The following C8orf76 variants were observed in gnomAD, a reference collection of about 807,000 sequenced individuals.
C8orf76 encodes the protein uncharacterized protein C8orf76.
In C8orf76, 46 loss-of-function variants were observed where a neutral mutation model predicts 38.1. The observed-to-expected ratio is 1.21, with a 90% CI of 0.95 to 1.54. C8orf76 has a LOEUF of 1.54. C8orf76 is among the 40% of genes most tolerant of loss of function. C8orf76 has a pLI of 0.00. For synonymous variants in C8orf76, 166 were observed against 167.5 expected (o/e 0.99, Z 0.07); for missense variants, 461 against 441.6 (o/e 1.04, Z -0.39).
chr8:123,230,973 A>T (rs1427105392), intron 4 of C8orf76, among the ~76,000 whole-genome samples: 2 of 152,034 alleles, frequency 1.3e-5, no homozygotes, highest in African/African-American at 2.4e-5. Flanking sequence ...TCAAAAAAAA[A>T]TTTTTGTAGA....
chr8:123,231,845 TG>T, intron 3 of C8orf76, 88 bp from the exon 4 acceptor site: 1 of 1,354,792 alleles, frequency 7.4e-7, no homozygotes, highest in Non-Finnish European at 9.9e-7. Flanking sequence ...AAGTTGTATA[TG>T]TTATAAATTA....
intron 1 of C8orf76, 63 bp downstream of exon 1, chr8:123,241,167 C>G: frequency 6.8e-7 from 1 of 1,477,786 alleles, no homozygotes. Flanking sequence ...AGGCCGGGGC[C>G]GGGGCCCCGC....
At chr8:123,221,537 G>T (rs1460613595) in intron 5 of C8orf76, among the ~76,000 whole-genome samples, 2 of 152,156 alleles carry the variant, frequency 1.3e-5, no homozygotes, top group African/African-American at 2.4e-5. Flanking sequence ...CTGGGTTCAA[G>T]CAATTCTCCC....
chr8:123,226,632 C>T lies in C8orf76; in HGVS notation c.816G>A (p.Arg272=), dbSNP rs59113457. The T allele has an allele frequency of 6.6e-3, 10,476 of 1,588,802 alleles. 593 individuals are homozygous for T. In the African/African-American group the frequency reaches 0.12, roughly 19 times the overall value. The change falls in exon 5 of 6, where the codon AGG becomes AGA. Residue 272 remains arginine, a splice_region_variant and synonymous_variant. Coordinates refer to ENST00000276704, the MANE Select transcript of C8orf76 (RefSeq NM_032847.3). ...LKACASFIRT[R]LLLQFTQPQQ... is the part of the protein sequence containing the mutation. ...GAGGTTGGGTAAACTGAAGCAGAAG[C>T]CTGAAAAACCGAAAAGTCTCAATGC...
At chr8:123,223,165 G>A (rs1750147913) in intron 5 of C8orf76, among the ~76,000 whole-genome samples, 1 of 152,166 alleles carries the variant, frequency 6.6e-6, no homozygotes, top group African/African-American at 2.4e-5. Context: ...ATAATATTTA[G>A]GATATAGGGT....
At chr8:123,231,808 A>T (rs771156288) in intron 3 of C8orf76, 51 bp from the exon 4 acceptor site, 1 of 1,510,826 alleles carries the variant, frequency 6.6e-7, no homozygotes, top group South Asian at 1.3e-5. Context: ...AGCATTTTCC[A>T]TATAAAATGA....
At position 123,239,136 on chromosome 8, in the gene C8orf76, AT is replaced by A. The variant is rs1825595478; in HGVS notation, c.125del (p.Tyr42LeufsTer13). 6.2e-7 allele frequency: 1 copy of A among 1,614,138 alleles called. No individual in the cohort carries two copies. Among genetic ancestry groups the A allele is most frequent in the African/African-American group, 1.3e-5 (1 of 75,074 alleles). On this transcript the variant is annotated frameshift_variant, in exon 2 of 6. Transcript: ENST00000276704. LOFTEE classifies it high-confidence loss of function. ...CATCATCACTGCTTTCTGTTTCTTC[AT>A]AAAACCACTTGAAATCATGAAAATA... is the stretch of plus-strand genomic sequence containing the variant. ...CAKLCEPQWF[Y>X]EETESSDDVE...
rs1289727222 is a variant in C8orf76 at position 123,226,356 on chromosome 8, T to G, written c.948+144A>C. On this transcript the variant is annotated intron_variant, in intron 5 of 5. Transcript: ENST00000276704. ...CCGATCAAGAGGCCGCCTTGGTGAT[T>G]GCTGAGTGATCAAAAGGCACACAGA... 5 of 1,488,360 alleles carry G rather than the reference T, an allele frequency of 3.4e-6. No homozygotes were observed. The African/African-American group carries it at 7.1e-5, about 21-fold the overall frequency. 92.2% of individuals were successfully genotyped at this position (1,488,360 alleles called of 1,614,324 possible).
intron 4 of C8orf76, among the ~76,000 whole-genome samples, chr8:123,227,105 T>C (rs1825071331): frequency 6.6e-6 from 1 of 151,412 alleles, no homozygotes; most frequent in South Asian, 2.1e-4. Flanking sequence ...CTAATTAGAT[T>C]CGCTAGCACA....
chr8:123,226,264 G>A (rs754764012), intron 5 of C8orf76: 1 of 1,358,694 alleles, frequency 7.4e-7, no homozygotes. Flanking sequence ...CAGGCAGGCA[G>A]GTGCTAACAA....
intron 1 of C8orf76, 41 bp downstream of exon 1, chr8:123,241,189 C>G: frequency 1.3e-6 from 2 of 1,533,276 alleles, no homozygotes; most frequent in Non-Finnish European, 1.7e-6. Context: ...GAGGGCGAGG[C>G]CTGGGGCCCG....
chr8:123,240,956 G>A (rs1825662724), intron 1 of C8orf76, among the ~76,000 whole-genome samples: 1 of 152,224 alleles, frequency 6.6e-6, no homozygotes, highest in Non-Finnish European at 1.5e-5. Context: ...TTGCAGGGCA[G>A]GGGCGTTGAG....
chr8:123,227,699 C>G (rs1825094706), intron 4 of C8orf76, among the ~76,000 whole-genome samples: 1 of 151,758 alleles, frequency 6.6e-6, no homozygotes, highest in Non-Finnish European at 1.5e-5. Context: ...GTGGCTGGAA[C>G]ACAGTCAGAG....
intron 3 of C8orf76, among the ~76,000 whole-genome samples, chr8:123,235,007 C>G (rs1198314417): frequency 6.6e-6 from 1 of 152,068 alleles, no homozygotes; most frequent in Admixed American, 6.5e-5. Context: ...GCTAAACCGA[C>G]CAGACACTAG....
intron 5 of C8orf76, chr8:123,226,152 G>C (rs1440065652): frequency 2.2e-5 from 24 of 1,081,474 alleles, no homozygotes; most frequent in Non-Finnish European, 2.6e-5. Context: ...AAGCTGTTAT[G>C]ATGAATGGAG....
intron 1 of C8orf76, among the ~76,000 whole-genome samples, chr8:123,241,002 G>A (rs985321000): frequency 6.6e-6 from 1 of 152,242 alleles, no homozygotes; most frequent in African/African-American, 2.4e-5. Flanking sequence ...CAAATGCCAA[G>A]TGGGAGTCAA....
chr8:123,226,885 T>C (rs924066957), intron 4 of C8orf76, among the ~76,000 whole-genome samples: 1 of 152,144 alleles, frequency 6.6e-6, no homozygotes, highest in African/African-American at 2.4e-5. Flanking sequence ...CTCAAAGAAA[T>C]CTTCAGAGAG....
intron 1 of C8orf76, 129 bp downstream of exon 1, chr8:123,241,101 G>C: frequency 1.1e-6 from 1 of 916,984 alleles, no homozygotes; most frequent in Non-Finnish European, 1.5e-6. Context: ...GACGGCGGGG[G>C]ACGCGGCGGG....
At chr8:123,235,056 T>C (rs535201775) in intron 3 of C8orf76, among the ~76,000 whole-genome samples, 9 of 152,314 alleles carry the variant, frequency 5.9e-5, no homozygotes, top group African/African-American at 2.2e-4. Flanking sequence ...TTTGTCTCCT[T>C]AGCATCGAAC....
Sources: allele counts gnomAD v4.1 joint callset (sites outside exome capture counted in the v4.1 genomes callset), GRCh38; gene constraint gnomAD v4.1.1; transcripts MANE v1.5; gene names NCBI Gene and HGNC (gene_info 2026-07-23, HGNC 2026-07-21).